FLT1: variants seen among roughly 807,000 people sequenced by gnomAD.
FLT1 encodes vascular endothelial growth factor receptor 1.
A neutral mutation model predicts 156.3 loss-of-function variants in FLT1; 49 were observed. The observed-to-expected ratio is 0.31, with a 90% CI of 0.25 to 0.40. The LOEUF is 0.40. Among genes scored for constraint, FLT1 ranks in the 10% least tolerant of loss-of-function variants. The pLI, the probability that FLT1 is intolerant of heterozygous loss-of-function variation, is 1.00. For missense variants in FLT1, 1,322 were observed against 1,637.2 expected (o/e 0.81, Z 3.32); for synonymous variants, 594 against 583.8 (o/e 1.02, Z -0.25).
chr13:28,468,812 T>C (rs1433853052), intron 1 of FLT1, among the ~76,000 whole-genome samples: 1 of 152,198 alleles, frequency 6.6e-6, no homozygotes, highest in African/African-American at 2.4e-5. Context: ...GCACCATGCT[T>C]GTACAGCCTG....
In FLT1 at chr13:28,495,020, T is replaced by A; in HGVS notation, c.-177A>T. On this transcript the variant is annotated 5_prime_UTR_variant, in exon 1 of 30. Coordinates refer to ENST00000282397, the MANE Select transcript of FLT1 (RefSeq NM_002019.4). This position sits in a 1 kb window ranked among gnomAD's most constrained non-coding sequence, Gnocchi z 4.1. ...GTAATCCTCGCCGCCAGGCGCCCGC[T>A]GGCCGCTGCACCCGAGCCCCGGAGC... 2.0e-6 allele frequency: 1 copy of A among 503,976 alleles called. No homozygotes were observed. The highest frequency in any genetic ancestry group is 2.0e-5 in the African/African-American group (1 of 49,140). 31.2% of individuals were successfully genotyped at this position (503,976 alleles called of 1,614,324 possible).
At chr13:28,382,473 G>A (rs77001678) in intron 14 of FLT1, among the ~76,000 whole-genome samples, 2,329 of 152,258 alleles carry the variant, frequency 0.015, 61 homozygotes, top group African/African-American at 0.053. Flanking sequence ...GAACTTCATC[G>A]AAGTGTGTTA....
intron 13 of FLT1, chr13:28,388,621 A>G: frequency 1.9e-6 from 2 of 1,054,384 alleles, no homozygotes; most frequent in Non-Finnish European, 2.3e-6. Flanking sequence ...GTATTTTTTA[A>G]ATTACTTTGA....
chr13:28,339,850 T>C (rs1872264665), intron 16 of FLT1, among the ~76,000 whole-genome samples: 1 of 152,182 alleles, frequency 6.6e-6, no homozygotes, highest in East Asian at 1.9e-4. Context: ...CCTGACCTCT[T>C]AGTTGCTTCA....
intron 1 of FLT1, among the ~76,000 whole-genome samples, chr13:28,475,779 C>T (rs1383032628): frequency 6.6e-6 from 1 of 152,184 alleles, no homozygotes; most frequent in African/African-American, 2.4e-5. Flanking sequence ...ATGAAGTGGG[C>T]ATTATAAGTG....
intron 1 of FLT1, among the ~76,000 whole-genome samples, chr13:28,492,060 G>A (rs927619442): frequency 2.6e-5 from 4 of 151,912 alleles, no homozygotes; most frequent in South Asian, 4.2e-4. Flanking sequence ...TTAATATTTC[G>A]AATATGCAAT....
chr13:28,341,045 A>G (rs966625926), intron 16 of FLT1, among the ~76,000 whole-genome samples: 1 of 152,202 alleles, frequency 6.6e-6, no homozygotes, highest in Non-Finnish European at 1.5e-5. Flanking sequence ...AACAATCTCC[A>G]ATCCTCACAG....
rs140400123 is a variant in FLT1, at chr13:28,395,930, C to CTACG, written c.1660+1026_1660+1029dup. Among the ~76,000 whole-genome samples the CTACG allele has an allele frequency of 4.9e-3, 751 of 152,310 alleles. 8 individuals carry two copies. Among genetic ancestry groups the CTACG allele is most frequent in the African/African-American group, 0.017 (727 of 41,558 alleles). The stretch of plus-strand genomic sequence containing the variant: ...TCTTTTGTATTCTAAATCAGACATA[C>CTACG]TACGACTATGGGTTGAGACAGTAAC... On this transcript the variant is annotated intron_variant, in intron 12 of 29. Transcript: ENST00000282397.
rs1289952332 is a variant in FLT1 at position 28,321,659 on chromosome 13, AT to A, written c.3052-75del. The A allele has an allele frequency of 7.5e-6, 11 of 1,470,838 alleles. No individual in the cohort carries two copies. The Admixed American group carries it at 1.3e-4, about 18-fold the overall frequency. 91.1% of individuals were successfully genotyped at this position (1,470,838 alleles called of 1,614,324 possible). A position where few individuals can be genotyped will look rare whatever the true frequency, so the allele number is the denominator to read the frequency against. On this transcript the variant is annotated intron_variant, in intron 22 of 29. Transcript: ENST00000282397. ...CTAATTTCCTACACCTGTCAGTGTC[AT>A]TATCTTAATTTGGGAATCCATTTCA...
chr13:28,390,402 C>G (rs1874637424), intron 12 of FLT1, among the ~76,000 whole-genome samples: 1 of 152,102 alleles, frequency 6.6e-6, no homozygotes, highest in Admixed American at 6.5e-5. Context: ...AACTTTATTT[C>G]CCTTTTTTTT....
intron 4 of FLT1, among the ~76,000 whole-genome samples, chr13:28,435,505 A>G (rs563120533): frequency 3.3e-5 from 5 of 152,334 alleles, no homozygotes; most frequent in Admixed American, 1.3e-4. Flanking sequence ...AAAGGGGGAA[A>G]AAAATCAAAT....
At chr13:28,415,819 C>A (rs1389459754) in intron 10 of FLT1, among the ~76,000 whole-genome samples, 1 of 152,194 alleles carries the variant, frequency 6.6e-6, no homozygotes, top group Non-Finnish European at 1.5e-5. Context: ...CCTAAATAAT[C>A]TGAAACAGCC....
chr13:28,450,798 C>G (rs1308268923), intron 3 of FLT1, among the ~76,000 whole-genome samples: 1 of 152,194 alleles, frequency 6.6e-6, no homozygotes, highest in African/African-American at 2.4e-5. Context: ...GACTGTCCCA[C>G]AAGCACAGGA....
chr13:28,353,111 ATT>A (rs892771490), intron 15 of FLT1, among the ~76,000 whole-genome samples: 2 of 152,230 alleles, frequency 1.3e-5, no homozygotes, highest in Non-Finnish European at 2.9e-5. Flanking sequence ...CATGACCAGC[ATT>A]TAGGCTGCAG....
rs199521125 is a variant in FLT1, at chr13:28,425,289, GA to G, written c.1436+1869del. Among the ~76,000 whole-genome samples the G allele has an allele frequency of 6.0e-3, 905 of 152,002 alleles. 10 individuals are homozygous for G. Among genetic ancestry groups the G allele is most frequent in the African/African-American group, 0.021 (856 of 41,448 alleles). On this transcript the variant is annotated intron_variant, in intron 10 of 29. Coordinates refer to ENST00000282397, the MANE Select transcript of FLT1 (RefSeq NM_002019.4). Reference sequence around the variant, plus strand: ...ATTTGTGATCAGTCTTGTAAGTAGTGAAAAAAAATGCCTTGAACAGAGAATA... The same window carrying G: ...ATTTGTGATCAGTCTTGTAAGTAGTGAAAAAAATGCCTTGAACAGAGAATA...
Position 28,389,905 on chromosome 13 carries a change from A to G in FLT1, c.1860T>C (p.Asn620=). ...GCAGGGAAACATTCATGATGGTAAG[A>G]TTAAGAGTGATGGAGTGCTCCTTAG... ...AITKEHSITL[N]LTIMNVSLQD... The change falls in exon 13 of 30, where the codon AAT becomes AAC. Residue 620 remains asparagine, a synonymous_variant. Transcript: ENST00000282397. The G allele has an allele frequency of 6.2e-7, 1 of 1,614,168 alleles. No homozygotes were observed. The highest frequency in any genetic ancestry group is 8.5e-7 in the Non-Finnish European group (1 of 1,180,030).
intron 14 of FLT1, among the ~76,000 whole-genome samples, chr13:28,374,558 C>T (rs1873761293): frequency 6.6e-6 from 1 of 151,764 alleles, no homozygotes; most frequent in South Asian, 2.1e-4. Flanking sequence ...GTCGCCCAGG[C>T]TGGAGTACAG....
At chr13:28,451,283 C>G (rs902420694) in intron 3 of FLT1, among the ~76,000 whole-genome samples, 26 of 152,154 alleles carry the variant, frequency 1.7e-4, no homozygotes, top group Admixed American at 6.5e-5. Context: ...ATTAGCTAGA[C>G]GTGGCGGCAG....
intron 3 of FLT1, chr13:28,466,635 G>A: frequency 4.0e-6 from 2 of 504,744 alleles, no homozygotes; most frequent in South Asian, 4.7e-5. Flanking sequence ...TCCAACTATG[G>A]GCCACATACT....
Sources: gnomAD v4.1 joint callset for allele counts (sites outside exome capture counted in the v4.1 genomes callset) on GRCh38, gnomAD v4.1.1 for gene constraint, Gnocchi (gnomAD v3.1) non-coding constraint, MANE v1.5 for transcripts, NCBI Gene and HGNC (gene_info 2026-07-23, HGNC 2026-07-21) for gene names.